The following KIF17 variants were observed in gnomAD, a reference collection of about 807,000 sequenced individuals.
The protein encoded by KIF17 is kinesin family member 17, also known as kinesin-like protein KIF17.
A neutral mutation model predicts 96.8 loss-of-function variants in KIF17; 80 were observed. The ratio of observed to expected loss-of-function variants is 0.83; its 90% CI spans 0.69 to 1.00. The LOEUF (loss-of-function observed/expected upper bound fraction) is 1.00. Ranked by LOEUF, KIF17 falls within the 50% of genes least tolerant of loss-of-function variation. The probability of loss-of-function intolerance (pLI) is 0.00; values close to 1 mark genes in which losing one functional copy is unlikely to be tolerated. For missense variants in KIF17, 1,280 were observed against 1,372.9 expected (o/e 0.93, Z 1.07); for synonymous variants, 567 against 587.5 (o/e 0.97, Z 0.51).
intron 7 of KIF17, among the ~76,000 whole-genome samples, chr1:20,688,419 C>T (rs116708521): frequency 0.027 from 4,045 of 152,300 alleles, 82 homozygotes; most frequent in Non-Finnish European, 0.037. Flanking sequence ...CTGGCTACAG[C>T]CTGCCTGCCT....
At chr1:20,675,862 T>C (rs995365306) in intron 11 of KIF17, among the ~76,000 whole-genome samples, 1 of 152,186 alleles carries the variant, frequency 6.6e-6, no homozygotes, top group African/African-American at 2.4e-5. Context: ...TCATTGTTTT[T>C]GGAATGTAAG....
At position 20,684,939 on chromosome 1, in the gene KIF17, C is replaced by A; in HGVS notation, c.2101G>T (p.Val701Leu). Residue 701 changes from valine to leucine, a missense_variant, in exon 10 of 15, where the codon GTG (valine) becomes TTG (leucine). Physicochemically the swap from Val to Leu is conservative, Grantham distance 32 (BLOSUM62 1). Transcript: ENST00000400463. ...PGVWLEAQAP[V>L]ALVAQPEPLP... ...GGCTCAGGCTGAGCCACCAGGGCCA[C>A]CGGGGCCTGAGCCTCCAACCACACG... 6.2e-7 allele frequency: 1 copy of A among 1,601,700 alleles called. No individual in the cohort carries two copies. The highest frequency in any genetic ancestry group is 8.5e-7 in the Non-Finnish European group (1 of 1,174,600).
At chr1:20,663,913 A>G (rs2053478459), downstream of KIF17, 2 of 158,338 alleles carry the variant, frequency 1.3e-5, no homozygotes, top group South Asian at 3.7e-4. Flanking sequence ...GGTCCCAGGC[A>G]AAAGAACCCT....
chr1:20,666,106 C>T (rs577307761), intron 14 of KIF17, 108 bp downstream of exon 14: 48 of 857,584 alleles, frequency 5.6e-5, no homozygotes, highest in Non-Finnish European at 7.6e-5. Context: ...ACTGAGGCTC[C>T]GAGAGGGAAA....
At chr1:20,689,360 A>G (rs188494951) in intron 7 of KIF17, among the ~76,000 whole-genome samples, 152 of 152,274 alleles carry the variant, frequency 1.0e-3, no homozygotes, top group African/African-American at 3.4e-3. Flanking sequence ...AAAGAAGACA[A>G]AAACTAAAGG....
chr1:20,690,352 G>GGGGCCCCCC lies in KIF17; in HGVS notation c.1234-18_1234-17insGGGGGGCCC. The GGGGCCCCCC allele has an allele frequency of 2.7e-5, 12 of 451,012 alleles. No individual in the cohort carries two copies. The highest frequency in any genetic ancestry group is 6.0e-5 in the East Asian group (1 of 16,746). 27.9% of individuals were successfully genotyped at this position (451,012 alleles called of 1,614,324 possible). ...TTCATACTCCTGGGGGGGTGGGAGG[G>GGGGCCCCCC]ACCAGAGGGCAGGCAGCATTTTATC... On this transcript the variant is annotated splice_polypyrimidine_tract_variant and intron_variant, in intron 6 of 14. Coordinates refer to ENST00000400463, the MANE Select transcript of KIF17 (RefSeq NM_001122819.3).
At chr1:20,713,641 G>A (rs2054523106) in intron 2 of KIF17, 86 bp from the exon 3 acceptor site, 3 of 967,134 alleles carry the variant, frequency 3.1e-6, no homozygotes, top group African/African-American at 3.2e-5. Flanking sequence ...TGGGCCCTCT[G>A]CCACCAGGAC....
At position 20,713,557 on chromosome 1, in the gene KIF17, T is replaced by C; in HGVS notation, c.379-2A>G. On this transcript the variant is annotated splice_acceptor_variant, in intron 2 of 14. Transcript: ENST00000400463. LOFTEE classifies it high-confidence loss of function. ...CAGGAACTTAGTGTTCTCTGCACAC[T>C]GCAGGGAGTACACAGAAAGAACCTA... The C allele has an allele frequency of 6.2e-7, 1 of 1,608,892 alleles. No individual in the cohort carries two copies. The highest frequency in any genetic ancestry group is 8.5e-7 in the Non-Finnish European group (1 of 1,176,702).
rs772233726 is a variant in KIF17, at chr1:20,687,636, C to A, written c.1690G>T (p.Val564Phe). 6.2e-7 allele frequency: 1 copy of A among 1,614,166 alleles called. No homozygotes were observed. Reference protein sequence around the residue: ...PGPEEPSNVEVSMPTEESRSR... With the variant: ...PGPEEPSNVEFSMPTEESRSR... ...CTGGACTCCTCAGTGGGCATGGAGA[C>A]CTCCACGTTGGAGGGCTCCTCAGGC... The change falls in exon 8 of 15, where the codon GTC becomes TTC. Residue 564 changes from valine to phenylalanine, a missense_variant. Coordinates refer to ENST00000400463, the MANE Select transcript of KIF17 (RefSeq NM_001122819.3). The surrounding 1 kb of genome is among the most constrained non-coding windows in gnomAD (Gnocchi z 4.4).
chr1:20,674,503 G>A (rs1175485488), intron 11 of KIF17, among the ~76,000 whole-genome samples: 4 of 151,306 alleles, frequency 2.6e-5, no homozygotes, highest in African/African-American at 9.7e-5. Context: ...GGGTTCAAGC[G>A]ATCCTCCCAC....
chr1:20,682,430 A>T (rs1172231654), intron 11 of KIF17, among the ~76,000 whole-genome samples: 1 of 152,260 alleles, frequency 6.6e-6, no homozygotes, highest in Non-Finnish European at 1.5e-5. Context: ...AGACTGAGAC[A>T]GGAAGATGGC....
intron 6 of KIF17, among the ~76,000 whole-genome samples, chr1:20,697,210 T>C (rs590902): frequency 6.6e-6 from 1 of 151,990 alleles, no homozygotes; most frequent in Admixed American, 6.6e-5. Context: ...TGGGAGGTGG[T>C]AGGTGAGTGG....
At position 20,687,984 on chromosome 1, in the gene KIF17, A is replaced by G; in HGVS notation, c.1382-40T>C. Reference sequence around the variant, plus strand: ...ACTTCCTTCAGGTTTTTAAAGGGTCAGAATGAGAGACCCTTCCCTAGAAGG... The same window carrying G: ...ACTTCCTTCAGGTTTTTAAAGGGTCGGAATGAGAGACCCTTCCCTAGAAGG... On this transcript the variant is annotated intron_variant, in intron 7 of 14. Coordinates refer to ENST00000400463, the MANE Select transcript of KIF17 (RefSeq NM_001122819.3). This position sits in a 1 kb window ranked among gnomAD's most constrained non-coding sequence, Gnocchi z 4.4. The G allele has an allele frequency of 6.5e-7, 1 of 1,533,380 alleles. No individual in the cohort carries two copies. The allele number at this position is 1,533,380 out of a possible 1,614,324, so 95.0% of individuals were successfully genotyped here. A position where few individuals can be genotyped will look rare whatever the true frequency, so the allele number is the denominator to read the frequency against.
intron 7 of KIF17, among the ~76,000 whole-genome samples, chr1:20,688,736 G>A (rs2053984991): frequency 6.6e-6 from 1 of 152,224 alleles, no homozygotes; most frequent in African/African-American, 2.4e-5. Context: ...CTAAATGAAT[G>A]CTGTGGATGA....
chr1:20,704,389 G>T lies in KIF17; in HGVS notation c.1123+58C>A. 7.1e-7 allele frequency: 1 copy of T among 1,404,206 alleles called. No homozygotes were observed. The highest frequency in any genetic ancestry group is 9.9e-7 in the Non-Finnish European group (1 of 1,008,040). 87.0% of individuals were successfully genotyped at this position (1,404,206 alleles called of 1,614,324 possible). ...GAAGTTGGAGGCGAGAAGACAGAGG[G>T]AAGGAAGCTTTCTCCTGGGGACCTG... On this transcript the variant is annotated intron_variant, in intron 5 of 14. Transcript: ENST00000400463. This position sits in a 1 kb window ranked among gnomAD's most constrained non-coding sequence, Gnocchi z 6.8.
chr1:20,682,237 C>T (rs377337956), intron 11 of KIF17, among the ~76,000 whole-genome samples: 2 of 152,274 alleles, frequency 1.3e-5, no homozygotes, highest in African/African-American at 2.4e-5. Context: ...AGCTCCACAG[C>T]GACAGGGACA....
chr1:20,698,325 G>C, intron 6 of KIF17, 54 bp downstream of exon 6: 1 of 1,310,624 alleles, frequency 7.6e-7, no homozygotes, highest in Non-Finnish European at 1.1e-6. Context: ...TGCCCTTCCC[G>C]CTGGGCCCCA....
chr1:20,681,551 C>T (rs1004347843), intron 11 of KIF17, among the ~76,000 whole-genome samples: 4 of 147,126 alleles, frequency 2.7e-5, no homozygotes, highest in Non-Finnish European at 6.0e-5. Context: ...GTGGTGGGGG[C>T]GAGGGGGTGG....
chr1:20,674,210 TGA>T (rs2053697464), intron 11 of KIF17, among the ~76,000 whole-genome samples: 1 of 152,220 alleles, frequency 6.6e-6, no homozygotes, highest in South Asian at 2.1e-4. Flanking sequence ...ATTACAGGTG[TGA>T]GCCACTGCAC....
Sources: gnomAD v4.1 joint callset for allele counts (sites outside exome capture counted in the v4.1 genomes callset) on GRCh38, gnomAD v4.1.1 for gene constraint, Gnocchi (gnomAD v3.1) non-coding constraint, MANE v1.5 for transcripts, NCBI Gene and HGNC (gene_info 2026-07-23, HGNC 2026-07-21) for gene names.